DIP2C: variants seen among roughly 807,000 people sequenced by gnomAD.
The protein encoded by DIP2C is disco-interacting protein 2 homolog C.
Under a neutral mutation model 192.4 loss-of-function variants are expected in DIP2C, and 33 were observed. The observed-to-expected ratio is 0.17, with a 90% CI of 0.13 to 0.23. The LOEUF (loss-of-function observed/expected upper bound fraction) is 0.23. Among genes scored for constraint, DIP2C ranks in the 10% least tolerant of loss-of-function variants. The pLI, the probability that DIP2C is intolerant of heterozygous loss-of-function variation, is 1.00. For synonymous variants in DIP2C, 979 were observed against 864.1 expected (o/e 1.13, Z -2.33); for missense variants, 1,537 against 2,110.1 (o/e 0.73, Z 5.32).
At chr10:581,175 T>A (rs149032560) in intron 1 of DIP2C, among the ~76,000 whole-genome samples, 439 of 151,868 alleles carry the variant, frequency 2.9e-3, no homozygotes, top group African/African-American at 0.01. Context: ...ACCTGGCCAC[T>A]TAGACGCTTT....
chr10:327,109 G>A lies in DIP2C; in HGVS notation c.3821C>T (p.Ala1274Val), dbSNP rs750482679. 4 of 1,614,154 alleles carry A rather than the reference G, an allele frequency of 2.5e-6. No individual in the cohort carries two copies. Among genetic ancestry groups the A allele is most frequent in the South Asian group, 2.2e-5 (2 of 91,088 alleles). The change falls in exon 31 of 37, where the codon GCA becomes GTA. Residue 1274 changes from alanine (A) to valine (V), a missense_variant. Around this residue, in one of 4 missense-constraint regions of DIP2C, gnomAD observed 341 missense variants for 551.7 expected, o/e 0.62. Transcript: ENST00000280886. ...VVVAEERPRIALTQSFSKLFK... is the reference protein window; with the variant it reads ...VVVAEERPRIVLTQSFSKLFK... ...CAGCTTTGAGAACGACTGTGTGAGT[G>A]CGATCCGAGGCCTCTCTTCCGCCAC...
At chr10:577,040 T>C (rs906782892) in intron 1 of DIP2C, among the ~76,000 whole-genome samples, 6 of 152,240 alleles carry the variant, frequency 3.9e-5, no homozygotes, top group African/African-American at 1.4e-4. Flanking sequence ...GTTACAATCT[T>C]GTATATCTTT....
At chr10:396,044 G>A (rs1037737390) in intron 10 of DIP2C, among the ~76,000 whole-genome samples, 6 of 152,134 alleles carry the variant, frequency 3.9e-5, no homozygotes, top group Non-Finnish European at 8.8e-5. Flanking sequence ...CAGCTGAGGG[G>A]GACTGTTGGG....
At chr10:656,778 CA>C (rs562281614) in intron 1 of DIP2C, among the ~76,000 whole-genome samples, 34 of 152,282 alleles carry the variant, frequency 2.2e-4, no homozygotes, top group African/African-American at 7.7e-4. Context: ...TGGAAGGCAA[CA>C]AGGACAGAGT....
chr10:452,852 G>C (rs72772900), intron 3 of DIP2C, among the ~76,000 whole-genome samples: 2,804 of 152,312 alleles, frequency 0.018, 63 homozygotes, highest in African/African-American at 0.05. Context: ...GGATAGACTT[G>C]ACCACAGGGC....
intron 29 of DIP2C, among the ~76,000 whole-genome samples, chr10:333,970 C>T (rs1366115891): frequency 6.6e-6 from 1 of 152,118 alleles, no homozygotes; most frequent in Non-Finnish European, 1.5e-5. Flanking sequence ...CTATTCAGAT[C>T]TCTTGCCCGT....
intron 1 of DIP2C, among the ~76,000 whole-genome samples, chr10:516,176 T>C (rs1846335306): frequency 6.8e-6 from 1 of 146,418 alleles, no homozygotes; most frequent in South Asian, 2.3e-4. Context: ...AGGCAGGTTC[T>C]CCCTACATCT....
intron 1 of DIP2C, among the ~76,000 whole-genome samples, chr10:501,213 G>A (rs937591780): frequency 6.6e-6 from 1 of 152,230 alleles, no homozygotes; most frequent in East Asian, 1.9e-4. Flanking sequence ...AGATTTTGAT[G>A]GTTTCACTAG....
intron 1 of DIP2C, among the ~76,000 whole-genome samples, chr10:546,303 T>C (rs1238069107): frequency 6.7e-6 from 1 of 148,796 alleles, no homozygotes; most frequent in African/African-American, 2.4e-5. Context: ...AAGTAACAAA[T>C]TTATTTTAAA....
intron 1 of DIP2C, among the ~76,000 whole-genome samples, chr10:497,119 C>T (rs992869968): frequency 6.6e-6 from 1 of 152,004 alleles, no homozygotes; most frequent in Admixed American, 6.5e-5. Flanking sequence ...AGCAAGACTC[C>T]ACCTCGAAAT....
At chr10:533,415 G>T (rs983997055) in intron 1 of DIP2C, among the ~76,000 whole-genome samples, 2 of 152,050 alleles carry the variant, frequency 1.3e-5, no homozygotes, top group Non-Finnish European at 2.9e-5. Flanking sequence ...ACAGCCTCGG[G>T]GCAAACTAAA....
chr10:612,122 T>C (rs1315817871), intron 1 of DIP2C, among the ~76,000 whole-genome samples: 1 of 152,036 alleles, frequency 6.6e-6, no homozygotes, highest in Non-Finnish European at 1.5e-5. Flanking sequence ...TGTTGAAACC[T>C]CGTCTCTACT....
At chr10:497,081 G>A (rs546350593) in intron 1 of DIP2C, among the ~76,000 whole-genome samples, 5 of 152,112 alleles carry the variant, frequency 3.3e-5, no homozygotes, top group Admixed American at 3.3e-4. Context: ...CTGAGATCGT[G>A]CCACTGCACT....
intron 1 of DIP2C, among the ~76,000 whole-genome samples, chr10:507,845 A>G (rs562808246): frequency 6.6e-6 from 1 of 152,172 alleles, no homozygotes; most frequent in Non-Finnish European, 1.5e-5. Context: ...TCATCCTCAG[A>G]AACTGTTCCT....
intron 3 of DIP2C, among the ~76,000 whole-genome samples, chr10:446,760 T>G (rs1968258563): frequency 6.6e-6 from 1 of 152,238 alleles, no homozygotes; most frequent in Admixed American, 6.5e-5. Context: ...CTGTTCCTGA[T>G]GTGACAGGAA....
chr10:618,745 G>C (rs923560582), intron 1 of DIP2C, among the ~76,000 whole-genome samples: 1 of 152,114 alleles, frequency 6.6e-6, no homozygotes, highest in Non-Finnish European at 1.5e-5. Flanking sequence ...TAAGTGCTTG[G>C]GACAATACCC....
chr10:540,888 GAA>G (rs1847945689), intron 1 of DIP2C, among the ~76,000 whole-genome samples: 1 of 152,214 alleles, frequency 6.6e-6, no homozygotes, highest in African/African-American at 2.4e-5. Flanking sequence ...AAAGTAGCTG[GAA>G]AGCAAAGCAT....
chr10:614,767 C>G (rs897668891), intron 1 of DIP2C, among the ~76,000 whole-genome samples: 1 of 152,232 alleles, frequency 6.6e-6, no homozygotes, highest in Non-Finnish European at 1.5e-5. Context: ...GGCTCCCTTG[C>G]CGGGTATCGC....
chr10:296,930 C>T (rs1564519677), intron 32 of DIP2C, among the ~76,000 whole-genome samples: 1 of 150,652 alleles, frequency 6.6e-6, no homozygotes, highest in Non-Finnish European at 1.5e-5. Flanking sequence ...GGAGATATAC[C>T]TAATGTAAAT....
Sources: gnomAD v4.1 joint callset for allele counts (sites outside exome capture counted in the v4.1 genomes callset) on GRCh38, gnomAD v4.1.1 for gene constraint, gnomAD v4.1.1 regional missense constraint, MANE v1.5 for transcripts, NCBI Gene and HGNC (gene_info 2026-07-23, HGNC 2026-07-21) for gene names.